Variants in BMPR1A observed in about 807,000 individuals in gnomAD.
The protein encoded by BMPR1A is bone morphogenetic protein receptor type 1A.
In BMPR1A, 7 loss-of-function variants were observed where a neutral mutation model predicts 66.0. The ratio of observed to expected loss-of-function variants is 0.11; its 90% CI spans 0.06 to 0.20. The LOEUF is 0.20. Ranked by LOEUF, BMPR1A falls within the 10% of genes least tolerant of loss-of-function variation. BMPR1A has a pLI of 1.00. For synonymous variants in BMPR1A, 200 were observed against 229.7 expected (o/e 0.87, Z 1.17); for missense variants, 408 against 669.1 (o/e 0.61, Z 4.31).
At chr10:86,822,290 A>G (rs1842130837) in intron 1 of BMPR1A, among the ~76,000 whole-genome samples, 1 of 152,214 alleles carries the variant, frequency 6.6e-6, no homozygotes, top group African/African-American at 2.4e-5. Flanking sequence ...CAGTCTGTGT[A>G]TGAGTAAAAC....
intron 3 of BMPR1A, among the ~76,000 whole-genome samples, chr10:86,884,394 A>ATT (rs759424209): frequency 0.023 from 1,123 of 49,284 alleles, 379 homozygotes; most frequent in Non-Finnish European, 0.04. Context: ...CAAACACATG[A>ATT]TTTTTTTTTT....
At chr10:86,773,805 C>T (rs1375892706) in intron 1 of BMPR1A, among the ~76,000 whole-genome samples, 1 of 150,494 alleles carries the variant, frequency 6.6e-6, no homozygotes, top group Non-Finnish European at 1.5e-5. Context: ...AGCATATATT[C>T]TTATCACTGT....
chr10:86,816,558 G>A (rs1842037346), intron 1 of BMPR1A, among the ~76,000 whole-genome samples: 1 of 152,152 alleles, frequency 6.6e-6, no homozygotes, highest in Non-Finnish European at 1.5e-5. Flanking sequence ...AGCGAAAGTC[G>A]ACCTACTGGA....
chr10:86,888,375 G>A (rs1017303506), intron 3 of BMPR1A, among the ~76,000 whole-genome samples: 1 of 152,132 alleles, frequency 6.6e-6, no homozygotes, highest in African/African-American at 2.4e-5. Context: ...GTCTGAGGCA[G>A]GAGAATTGCT....
In BMPR1A at chr10:86,869,052, T is replaced by C. The variant is rs145155003; in HGVS notation, c.-152-6815T>C. Among the ~76,000 whole-genome samples the C allele has an allele frequency of 7.5e-3, 1,137 of 152,318 alleles. 9 individuals carry two copies. The highest frequency in any genetic ancestry group is 0.012 in the Non-Finnish European group (840 of 68,030). On this transcript the variant is annotated intron_variant, in intron 2 of 12. Coordinates refer to ENST00000372037, the MANE Select transcript of BMPR1A (RefSeq NM_004329.3). Reference sequence around the variant, plus strand: ...CAGCATGTCAAATATCTGCATCTCCTTATATTCTTCACTTTGCAAGATTAG... The same window carrying C: ...CAGCATGTCAAATATCTGCATCTCCCTATATTCTTCACTTTGCAAGATTAG...
intron 2 of BMPR1A, among the ~76,000 whole-genome samples, chr10:86,847,000 G>A (rs140858106): frequency 5.3e-4 from 81 of 152,092 alleles, no homozygotes; most frequent in African/African-American, 1.7e-3. Flanking sequence ...TAGAGGTGGA[G>A]TCTCGCTCTG....
chr10:86,778,522 AC>A (rs1471643500), intron 1 of BMPR1A, among the ~76,000 whole-genome samples: 1 of 152,062 alleles, frequency 6.6e-6, no homozygotes, highest in Non-Finnish European at 1.5e-5. Context: ...AAGATTGGAT[AC>A]CCCTACTGTA....
At chr10:86,825,079 T>TC (rs1480432947) in intron 1 of BMPR1A, among the ~76,000 whole-genome samples, 2 of 133,804 alleles carry the variant, frequency 1.5e-5, no homozygotes, top group Non-Finnish European at 3.2e-5. Flanking sequence ...GAAATGACAT[T>TC]CTTTTTTTTT....
At chr10:86,792,063 C>CTTT (rs35251758) in intron 1 of BMPR1A, among the ~76,000 whole-genome samples, 9 of 83,630 alleles carry the variant, frequency 1.1e-4, no homozygotes, top group East Asian at 6.2e-4. Context: ...ACTGTCAGAT[C>CTTT]TTTTTTTTTT....
intron 7 of BMPR1A, among the ~76,000 whole-genome samples, chr10:86,907,220 A>C (rs1008441809): frequency 6.6e-6 from 1 of 152,198 alleles, no homozygotes; most frequent in African/African-American, 2.4e-5. Flanking sequence ...TTGCTTTTTA[A>C]TGGGTCTCAT....
At chr10:86,768,656 T>C (rs1054445278) in intron 1 of BMPR1A, among the ~76,000 whole-genome samples, 2 of 152,194 alleles carry the variant, frequency 1.3e-5, no homozygotes, top group Non-Finnish European at 2.9e-5. Flanking sequence ...CCTGATATGG[T>C]TATTGTGACT....
At chr10:86,870,100 G>A (rs1484979448) in intron 2 of BMPR1A, among the ~76,000 whole-genome samples, 3 of 152,262 alleles carry the variant, frequency 2.0e-5, no homozygotes, top group East Asian at 1.9e-4. Flanking sequence ...GTTTTTAGAC[G>A]AATGGTGTTC....
At chr10:86,902,364 C>T (rs570560640) in intron 7 of BMPR1A, among the ~76,000 whole-genome samples, 18 of 148,092 alleles carry the variant, frequency 1.2e-4, no homozygotes, top group African/African-American at 4.6e-4. Context: ...CTATACTTTT[C>T]TTTTTTTGTT....
chr10:86,833,736 G>A (rs1033971475), intron 1 of BMPR1A, among the ~76,000 whole-genome samples: 1 of 152,108 alleles, frequency 6.6e-6, no homozygotes, highest in Non-Finnish European at 1.5e-5. Flanking sequence ...TCTGGGCTGA[G>A]GTATAAATTT....
chr10:86,826,557 TC>T (rs916619222), intron 1 of BMPR1A, among the ~76,000 whole-genome samples: 2 of 152,192 alleles, frequency 1.3e-5, no homozygotes, highest in African/African-American at 4.8e-5. Flanking sequence ...TTTTTCCTTT[TC>T]TTATATAAGC....
At chr10:86,759,972 C>T (rs1335626634) in intron 1 of BMPR1A, among the ~76,000 whole-genome samples, 2 of 138,976 alleles carry the variant, frequency 1.4e-5, no homozygotes, top group Non-Finnish European at 1.6e-5. Flanking sequence ...CACCACCCCG[C>T]GACTCCACCC....
intron 10 of BMPR1A, among the ~76,000 whole-genome samples, chr10:86,921,100 C>T (rs148974024): frequency 0.018 from 2,743 of 152,182 alleles, 84 homozygotes; most frequent in African/African-American, 0.063. Flanking sequence ...GTGATGCGCC[C>T]GCCTTGGCCT....
At chr10:86,865,593 G>A (rs956522124) in intron 2 of BMPR1A, among the ~76,000 whole-genome samples, 10 of 152,114 alleles carry the variant, frequency 6.6e-5, no homozygotes, top group African/African-American at 2.4e-4. Flanking sequence ...TCACACAGAC[G>A]CACATGAAAC....
At chr10:86,878,741 A>G (rs1195482180) in intron 3 of BMPR1A, among the ~76,000 whole-genome samples, 1 of 152,202 alleles carries the variant, frequency 6.6e-6, no homozygotes, top group African/African-American at 2.4e-5. Context: ...ATTTTGTCTT[A>G]AGTCTTAATC....
Sources: gnomAD v4.1 joint callset for allele counts (sites outside exome capture counted in the v4.1 genomes callset) on GRCh38, gnomAD v4.1.1 for gene constraint, MANE v1.5 for transcripts, NCBI Gene and HGNC (gene_info 2026-07-23, HGNC 2026-07-21) for gene names.